The following CHRNA9 variants were observed in gnomAD, a reference collection of about 807,000 sequenced individuals.
The protein encoded by CHRNA9 is cholinergic receptor nicotinic alpha 9 subunit.
Under a neutral mutation model 36.8 loss-of-function variants are expected in CHRNA9, and 24 were observed. The ratio of observed to expected loss-of-function variants is 0.65; its 90% confidence interval spans 0.47 to 0.92. CHRNA9 has a LOEUF of 0.92. Ranked by LOEUF, CHRNA9 falls within the 40% of genes least tolerant of loss-of-function variation. The pLI, the probability that CHRNA9 is intolerant of heterozygous loss-of-function variation, is 0.00. For missense variants in CHRNA9, 610 were observed against 601.2 expected, an observed-to-expected ratio of 1.01 and a Z score of -0.15; for synonymous variants, 231 against 231.8, an observed-to-expected ratio of 1.00 and a Z score of 0.03.
chr4:40,347,006 T>C (rs559930133), intron 3 of CHRNA9, among the ~76,000 whole-genome samples: 130 of 152,084 alleles, frequency 8.5e-4, no homozygotes, highest in Non-Finnish European at 1.7e-3. Flanking sequence ...AGAGATGGGG[T>C]TTTGCCATGT....
intron 3 of CHRNA9, among the ~76,000 whole-genome samples, chr4:40,348,455 G>C (rs78599474): frequency 3.9e-5 from 6 of 151,982 alleles, no homozygotes; most frequent in African/African-American, 1.4e-4. Context: ...TTTTATAATA[G>C]CAATAAAGTT....
rs1180224313 is a variant in CHRNA9, at chr4:40,354,262, G to A, written c.1182G>A (p.Lys394=). 3 of 1,614,100 alleles carry A rather than the reference G, an allele frequency of 1.9e-6. No homozygotes were observed. Among genetic ancestry groups the A allele is most frequent in the Admixed American group, 1.7e-5 (1 of 60,000 alleles). The change falls in exon 5 of 5, where the codon AAG becomes AAA. Residue 394 remains lysine, a synonymous_variant. Coordinates refer to ENST00000310169, the MANE Select transcript of CHRNA9 (RefSeq NM_017581.4). The stretch of plus-strand genomic sequence containing the variant: ...GGAACAAAGACCTTTCCAGAAAGAA[G>A]GACATGAACAAACGCTTAAAGAACG... ...AARNKDLSRK[K]DMNKRLKNDL...
chr4:40,345,494 C>T (rs1002387328), intron 3 of CHRNA9, among the ~76,000 whole-genome samples: 22 of 152,054 alleles, frequency 1.4e-4, no homozygotes, highest in African/African-American at 5.3e-4. Context: ...GGCAGATTAC[C>T]TGAGGTCAGG....
chr4:40,354,640 T>C lies in CHRNA9; in HGVS notation c.*120T>C, dbSNP rs2109692314. 1.2e-6 allele frequency: 1 copy of C among 836,130 alleles called. No individual in the cohort carries two copies. Among genetic ancestry groups the C allele is most frequent in the East Asian group, 2.4e-5 (1 of 40,916 alleles). 51.8% of individuals were successfully genotyped at this position (836,130 alleles called of 1,614,324 possible). A position where few individuals can be genotyped will look rare whatever the true frequency, so the allele number is the denominator to read the frequency against. On this transcript the variant is annotated 3_prime_UTR_variant, in exon 5 of 5. Transcript: ENST00000310169. ...TAGGGGTTATGTTGTCTGTGCTTTT[T>C]ATTTTTAGCTTCAAATGAATGTCGA...
Position 40,349,520 on chromosome 4 carries a change from G to C in CHRNA9, c.898+106G>C, listed in dbSNP as rs968360152. The C allele has an allele frequency of 2.3e-5, 26 of 1,106,800 alleles. No individual in the cohort carries two copies. In the South Asian group the frequency reaches 4.0e-4, roughly 17 times the overall value. 68.6% of individuals were successfully genotyped at this position (1,106,800 alleles called of 1,614,324 possible). A position where few individuals can be genotyped will look rare whatever the true frequency, so the allele number is the denominator to read the frequency against. On this transcript the variant is annotated intron_variant, in intron 4 of 4. Coordinates refer to ENST00000310169, the MANE Select transcript of CHRNA9 (RefSeq NM_017581.4). ...AACTTGAAAAAATGGAGCCAATTTC[G>C]ACTCAATACAGACTGTCTCAAATTT...
chr4:40,335,902 G>T lies in CHRNA9; in HGVS notation c.140G>T (p.Arg47Leu), dbSNP rs188109471. The T allele has an allele frequency of 6.2e-7, 1 of 1,611,608 alleles. No homozygotes were observed. Among genetic ancestry groups the T allele is most frequent in the Non-Finnish European group, 8.5e-7 (1 of 1,177,684 alleles). Residue 47 changes from arginine (R) to leucine (L), a missense_variant, in exon 2 of 5, where the codon CGT becomes CTT. Arg to Leu is a moderately radical substitution (Grantham distance 102). Coordinates refer to ENST00000310169, the MANE Select transcript of CHRNA9 (RefSeq NM_017581.4). ...DLFEDYSNAL[R>L]PVEDTDKVLN... ...TTTGAAGATTATTCTAATGCTCTTC[G>T]TCCAGTGGAAGATACAGATAAAGTC...
chr4:40,341,800 C>T (rs576427881), intron 3 of CHRNA9, among the ~76,000 whole-genome samples: 9 of 152,298 alleles, frequency 5.9e-5, no homozygotes, highest in East Asian at 3.9e-4. Context: ...ATGTCAAGAA[C>T]GTGGACGACC....
chr4:40,352,248 G>A (rs1429396044), intron 4 of CHRNA9, among the ~76,000 whole-genome samples: 1 of 152,118 alleles, frequency 6.6e-6, no homozygotes, highest in African/African-American at 2.4e-5. Flanking sequence ...TTAAGACATA[G>A]TCTAGCTCTG....
Position 40,354,286 on chromosome 4 carries a change from C to T in CHRNA9, c.1206C>T (p.Asn402=), listed in dbSNP as rs144758556. 114 of 1,614,028 alleles carry T rather than the reference C, an allele frequency of 7.1e-5. No homozygotes were observed. Among genetic ancestry groups the T allele is most frequent in the Non-Finnish European group, 8.2e-5 (97 of 1,180,026 alleles). The stretch of plus-strand genomic sequence containing the variant: ...AGGACATGAACAAACGCTTAAAGAA[C>T]GACCTGGGCTGCCAGGGTAAGAACC... ...RKKDMNKRLK[N]DLGCQGKNPQ... The change falls in exon 5 of 5, where the codon AAC becomes AAT. Residue 402 remains asparagine, a synonymous_variant. Transcript: ENST00000310169.
At chr4:40,353,668 C>T (rs1327973052) in intron 4 of CHRNA9, among the ~76,000 whole-genome samples, 1 of 152,090 alleles carries the variant, frequency 6.6e-6, no homozygotes, top group Admixed American at 6.6e-5. Flanking sequence ...TTTACTTTAT[C>T]TTTTCTATGT....
Position 40,337,269 on chromosome 4 carries a change from C to A in CHRNA9, c.270C>A (p.Ala90=), listed in dbSNP as rs114307446. The A allele has an allele frequency of 6.2e-7, 1 of 1,614,176 alleles. No individual in the cohort carries two copies. The highest frequency in any genetic ancestry group is 1.7e-5 in the Admixed American group (1 of 60,020). ...YLWIRQIWHD[A]YLTWDRDQYD... is the part of the protein sequence containing the mutation. ...GGATCCGCCAAATCTGGCACGATGC[C>A]TATCTCACGTGGGACCGAGATCAGT... is the stretch of plus-strand genomic sequence containing the variant. Residue 90 remains alanine (A), a synonymous_variant, in exon 3 of 5, where the codon GCC becomes GCA. Transcript: ENST00000310169.
At chr4:40,347,364 T>A (rs1385567424) in intron 3 of CHRNA9, among the ~76,000 whole-genome samples, 3 of 152,210 alleles carry the variant, frequency 2.0e-5, no homozygotes, top group Non-Finnish European at 4.4e-5. Flanking sequence ...TACAGAGATG[T>A]CCACTGCAGC....
Position 40,348,925 on chromosome 4 carries a change from C to T in CHRNA9, c.409C>T (p.Leu137=). The T allele has an allele frequency of 6.2e-7, 1 of 1,614,124 alleles. No individual in the cohort carries two copies. Residue 137 remains leucine, a synonymous_variant, in exon 4 of 5, where the codon CTG becomes TTG. Coordinates refer to ENST00000310169, the MANE Select transcript of CHRNA9 (RefSeq NM_017581.4). ...SSEPVNTNVV[L]RYDGLITWDA... ...AGAGCCTGTGAACACCAATGTGGTC[C>T]TGCGGTATGATGGGCTGATCACCTG...
In CHRNA9 at chr4:40,349,130, T is replaced by A. The variant is rs746815156; in HGVS notation, c.614T>A (p.Val205Asp). ...SDFIEDVEWE[V>D]HGMPAVKNVI... ...TTCATTGAAGATGTGGAATGGGAGG[T>A]CCATGGCATGCCCGCTGTGAAGAAT... is the stretch of plus-strand genomic sequence containing the variant. The change falls in exon 4 of 5, where the codon GTC (valine) becomes GAC (aspartate). Residue 205 changes from valine to aspartate, a missense_variant. Transcript: ENST00000310169. 3.1e-6 allele frequency: 5 copies of A among 1,614,006 alleles called. No homozygotes were observed. In the South Asian group the frequency reaches 4.4e-5, roughly 14 times the overall value.
rs571210717 is a variant in CHRNA9 at position 40,335,709 on chromosome 4, A to T, written c.65-118A>T. On this transcript the variant is annotated intron_variant, in intron 1 of 4. Transcript: ENST00000310169. ...AGAAAAACAACTCATCCATCCACCC[A>T]AAGCTTGTCCCTCGCCAGTGTTGGG... 2.6e-5 allele frequency: 30 copies of T among 1,141,096 alleles called. No individual in the cohort carries two copies. The Middle Eastern group carries it at 9.5e-4, about 36-fold the overall frequency. 70.7% of individuals were successfully genotyped at this position (1,141,096 alleles called of 1,614,324 possible).
chr4:40,354,179 C>A lies in CHRNA9; in HGVS notation c.1099C>A (p.Arg367=), dbSNP rs749659058. Residue 367 remains arginine (R), a synonymous_variant, in exon 5 of 5, where the codon CGG becomes AGG. Transcript: ENST00000310169. ...SCLSPHHSRE[R]DHLTKVYSKL... ...CCTCAGCCCGCACCACAGTAGAGAGCGGGACCACCTCACGAAAGTTTATAG... is the reference window on the plus strand; with the variant it reads ...CCTCAGCCCGCACCACAGTAGAGAGAGGGACCACCTCACGAAAGTTTATAG... 6.2e-7 allele frequency: 1 copy of A among 1,614,098 alleles called. No individual in the cohort carries two copies. Among genetic ancestry groups the A allele is most frequent in the East Asian group, 2.2e-5 (1 of 44,878 alleles).
At chr4:40,339,662 CAAA>C (rs756343215) in intron 3 of CHRNA9, among the ~76,000 whole-genome samples, 2 of 94,124 alleles carry the variant, frequency 2.1e-5, no homozygotes, top group African/African-American at 9.2e-5. Flanking sequence ...GACTCTATCT[CAAA>C]AAAAAAAAAA....
intron 1 of CHRNA9, 42 bp from the exon 2 acceptor site, chr4:40,335,785 A>T: frequency 2.5e-6 from 4 of 1,590,390 alleles, no homozygotes; most frequent in Non-Finnish European, 2.6e-6. Context: ...TGAAATACAC[A>T]CAACACTCTG....
intron 3 of CHRNA9, among the ~76,000 whole-genome samples, chr4:40,339,261 A>G (rs1712424703): frequency 7.4e-6 from 1 of 135,258 alleles, no homozygotes; most frequent in South Asian, 2.7e-4. Flanking sequence ...CCTGGGCGAC[A>G]AGAGCGAGAC....
Sources: gnomAD v4.1 joint callset for allele counts (sites outside exome capture counted in the v4.1 genomes callset) on GRCh38, gnomAD v4.1.1 for gene constraint, MANE v1.5 for transcripts, NCBI Gene and HGNC (gene_info 2026-07-23, HGNC 2026-07-21) for gene names.